The following XPC variants were observed in gnomAD, a reference collection of about 807,000 sequenced individuals.
XPC encodes the protein XPC complex subunit, DNA damage recognition and repair factor, also known as DNA repair protein complementing XP-C cells.
In XPC, 76 loss-of-function variants were observed where a neutral mutation model predicts 95.8. The observed-to-expected ratio is 0.79, with a 90% CI of 0.66 to 0.96. The LOEUF (loss-of-function observed/expected upper bound fraction) is 0.96, where lower values mean the gene tolerates loss of function less well. Ranked by LOEUF, XPC falls within the 40% of genes least tolerant of loss-of-function variation. XPC has a pLI of 0.00. For synonymous variants in XPC, 442 were observed against 442.1 expected (o/e 1.00, Z 0.00); for missense variants, 1,146 against 1,179.8 (o/e 0.97, Z 0.42).
intron 14 of XPC, 120 bp from the exon 15 acceptor site, chr3:14,147,499 CCTT>C: frequency 1.0e-6 from 1 of 955,110 alleles, no homozygotes; most frequent in Non-Finnish European, 1.6e-6. Context: ...TATAGCCTCT[CCTT>C]CACACCAAGT....
In XPC at chr3:14,148,809, C is replaced by A; in HGVS notation, c.2250+5G>T. On this transcript the variant is annotated splice_donor_5th_base_variant and intron_variant, in intron 12 of 15. Coordinates refer to ENST00000285021, the MANE Select transcript of XPC (RefSeq NM_004628.5). The stretch of plus-strand genomic sequence containing the variant: ...GGTCCTGAGCCCTTCTGATGCTGCC[C>A]TTACCTTCCCGTCCACGGCCACTGG... 1 of 1,613,960 alleles carries A rather than the reference C, an allele frequency of 6.2e-7. No individual in the cohort carries two copies. The highest frequency in any genetic ancestry group is 8.5e-7 in the Non-Finnish European group (1 of 1,179,850).
intron 1 of XPC, among the ~76,000 whole-genome samples, chr3:14,173,422 G>C (rs753724284): frequency 8.5e-5 from 13 of 152,134 alleles, no homozygotes; most frequent in Non-Finnish European, 2.9e-5. Context: ...AAAATTAATT[G>C]TCTTAGGGAT....
rs1255666493 is a variant in XPC, at chr3:14,158,494, G to T, written c.1389C>A (p.Gly463=). 6.2e-7 allele frequency: 1 copy of T among 1,612,046 alleles called. No homozygotes were observed. The highest frequency in any genetic ancestry group is 8.5e-7 in the Non-Finnish European group (1 of 1,178,732). Residue 463 remains glycine (G), a synonymous_variant, in exon 9 of 16, where the codon GGC becomes GGA. Transcript: ENST00000285021. The surrounding 1 kb of genome is among the most constrained non-coding windows in gnomAD (Gnocchi z 5.2). The stretch of plus-strand genomic sequence containing the variant: ...CGGGGGCTTTCCTCTGCTTTGGAGG[G>T]CCAGGTTCGGAATCCTCATCAGAGG... ...SDPSDEDSEP[G]PPKQRKAPAP...
chr3:14,171,750 G>A (rs1174045716), intron 2 of XPC, among the ~76,000 whole-genome samples: 1 of 152,132 alleles, frequency 6.6e-6, no homozygotes, highest in Admixed American at 6.5e-5. Context: ...TTGAACCTGG[G>A]AGGCGGAGGT....
intron 1 of XPC, chr3:14,178,225 G>T: frequency 1.9e-6 from 1 of 527,106 alleles, no homozygotes; most frequent in East Asian, 3.3e-5. Context: ...ACGGGGAGCG[G>T]GAAAAAAGCT....
rs1387302841 is a variant in XPC, at chr3:14,177,948, C to A, written c.103+518G>T. 2.0e-5 allele frequency among the ~76,000 whole-genome samples: 3 copies of A among 152,072 alleles called. No homozygotes were observed. In the East Asian group the frequency reaches 5.8e-4, roughly 29 times the overall value. ...CTTTGCTTTATAACAAGTATTGAGA[C>A]TGGAAAAACGGAGGAAAGCATAGAT... is the stretch of plus-strand genomic sequence containing the variant. On this transcript the variant is annotated intron_variant, in intron 1 of 15. Coordinates refer to ENST00000285021, the MANE Select transcript of XPC (RefSeq NM_004628.5).
At chr3:14,167,060 A>C in intron 5 of XPC, 109 bp downstream of exon 5, 1 of 962,482 alleles carries the variant, frequency 1.0e-6, no homozygotes, top group Non-Finnish European at 1.5e-6. Flanking sequence ...AGAGAGAGTA[A>C]GAAACTTGCC....
Position 14,165,405 on chromosome 3 carries a change from G to C in XPC, c.779+23C>G, listed in dbSNP as rs1423114852. ...CACAAATCCTACACTCCCCAGCTCT[G>C]CAGGACAAGCGGAGGGCCTTACCAC... is the stretch of plus-strand genomic sequence containing the variant. On this transcript the variant is annotated intron_variant, in intron 6 of 15. Transcript: ENST00000285021. 3 of 1,566,982 alleles carry C rather than the reference G, an allele frequency of 1.9e-6. No homozygotes were observed. The Admixed American group carries it at 5.5e-5, about 29-fold the overall frequency.
chr3:14,156,384 CG>C lies in XPC; in HGVS notation c.1983del (p.Glu662ArgfsTer30). 1.9e-6 allele frequency: 3 copies of C among 1,613,970 alleles called. No homozygotes were observed. The highest frequency in any genetic ancestry group is 2.5e-6 in the Non-Finnish European group (3 of 1,179,886). ...CAATACCCAAGGATGGCAGCTGTCTCGGGATAGATGGCCTCATATTTCAGGA... is the reference window on the plus strand; with the variant it reads ...CAATACCCAAGGATGGCAGCTGTCTCGGATAGATGGCCTCATATTTCAGGA... ...RHLLKYEAIY[P>X]ETAAILGYCR... On this transcript the variant is annotated frameshift_variant, in exon 10 of 16. Transcript: ENST00000285021. LOFTEE classifies it high-confidence loss of function.
chr3:14,153,405 T>C (rs1695777372), intron 10 of XPC: 1 of 152,244 alleles, frequency 6.6e-6, no homozygotes, highest in Non-Finnish European at 1.5e-5. Context: ...CATACAACCA[T>C]TCTCTTTTTC....
Position 14,158,726 on chromosome 3 carries a change from T to A in XPC, c.1157A>T (p.Asn386Ile), listed in dbSNP as rs772584384. 6.2e-7 allele frequency: 1 copy of A among 1,613,854 alleles called. No individual in the cohort carries two copies. Among genetic ancestry groups the A allele is most frequent in the Non-Finnish European group, 8.5e-7 (1 of 1,179,864 alleles). Residue 386 changes from asparagine to isoleucine, a missense_variant, in exon 9 of 16, where the codon AAC (asparagine) becomes ATC (isoleucine). Asn to Ile is a moderately radical substitution (Grantham distance 149). Transcript: ENST00000285021. The surrounding 1 kb of genome is among the most constrained non-coding windows in gnomAD (Gnocchi z 5.2). ...TCRPSAKGKR[N>I]KGGRKKRSKP... ...GCTCCGTTTCTTTCTGCCTCCCTTGTTCCTCTTCCCTTTGGCACTTGGCCT... is the reference window on the plus strand; with the variant it reads ...GCTCCGTTTCTTTCTGCCTCCCTTGATCCTCTTCCCTTTGGCACTTGGCCT...
chr3:14,168,939 A>C (rs1696501815), intron 3 of XPC, among the ~76,000 whole-genome samples: 1 of 152,196 alleles, frequency 6.6e-6, no homozygotes, highest in African/African-American at 2.4e-5. Context: ...GCTGAACTGG[A>C]TCTAATTGAA....
chr3:14,147,422 C>T (rs1001068947), intron 14 of XPC, 43 bp from the exon 15 acceptor site: 1 of 1,539,804 alleles, frequency 6.5e-7, no homozygotes, highest in Non-Finnish European at 8.8e-7. Context: ...TAAGCACTGA[C>T]ATTTTCAGGA....
At chr3:14,173,568 A>G (rs894610028) in intron 1 of XPC, among the ~76,000 whole-genome samples, 1 of 152,204 alleles carries the variant, frequency 6.6e-6, no homozygotes, top group African/African-American at 2.4e-5. Flanking sequence ...AACCTTTCCA[A>G]TGTAACCCAA....
intron 7 of XPC, among the ~76,000 whole-genome samples, chr3:14,163,840 G>A (rs1360424463): frequency 6.6e-6 from 1 of 152,200 alleles, no homozygotes; most frequent in East Asian, 1.9e-4. Context: ...ATATTAATGA[G>A]TTACCAGCCT....
intron 4 of XPC, among the ~76,000 whole-genome samples, chr3:14,167,856 C>T (rs1455000512): frequency 6.6e-6 from 1 of 152,188 alleles, no homozygotes; most frequent in African/African-American, 2.4e-5. Flanking sequence ...TCAAGTCCTG[C>T]AGCATGACAT....
chr3:14,162,122 C>G (rs565545199), intron 7 of XPC, among the ~76,000 whole-genome samples: 94 of 152,196 alleles, frequency 6.2e-4, no homozygotes, highest in African/African-American at 2.2e-3. Context: ...CTGAAAATTA[C>G]AAAATACAGC....
chr3:14,174,681 A>T (rs1456001727), intron 1 of XPC, among the ~76,000 whole-genome samples: 1 of 152,202 alleles, frequency 6.6e-6, no homozygotes, highest in East Asian at 1.9e-4. Context: ...ACAACAAAAT[A>T]TAATTGAGTC....
intron 5 of XPC, 21 bp downstream of exon 5, chr3:14,167,148 C>G: frequency 6.5e-7 from 1 of 1,548,522 alleles, no homozygotes; most frequent in Non-Finnish European, 8.8e-7. Context: ...AAAGTCCTTC[C>G]CCATCATTCC....
Sources: gnomAD v4.1 joint callset for allele counts (sites outside exome capture counted in the v4.1 genomes callset) on GRCh38, gnomAD v4.1.1 for gene constraint, Gnocchi (gnomAD v3.1) non-coding constraint, MANE v1.5 for transcripts, NCBI Gene and HGNC (gene_info 2026-07-23, HGNC 2026-07-21) for gene names.